UXS1: variants seen among roughly 807,000 people sequenced by gnomAD.
UXS1 encodes UDP-glucuronate decarboxylase 1, also known as UDP-glucuronic acid decarboxylase 1.
In UXS1, 33 loss-of-function variants were observed where a neutral mutation model predicts 62.6. That is an observed-to-expected ratio of 0.53 (90% CI 0.40 to 0.70). The LOEUF is 0.70. Ranked by LOEUF, UXS1 falls within the 30% of genes least tolerant of loss-of-function variation. UXS1 has a pLI of 0.00. For missense variants in UXS1, 434 were observed against 556.3 expected (o/e 0.78, Z 2.21); for synonymous variants, 213 against 206.8 (o/e 1.03, Z -0.26).
intron 1 of UXS1, 33 bp downstream of exon 1, chr2:106,194,115 G>C: frequency 4.9e-6 from 7 of 1,440,678 alleles, no homozygotes; most frequent in Non-Finnish European, 6.4e-6. Context: ...GGAATGAATG[G>C]GGCTCCCCAG....
Position 106,146,470 on chromosome 2 carries a change from C to T in UXS1, c.292-1100G>A, listed in dbSNP as rs112228183. On this transcript the variant is annotated intron_variant, in intron 5 of 14. Transcript: ENST00000283148. ...CTCACACACGATGAAGTATTCACCA[C>T]GGTGAGAGAGTAAAGCCACCTGGAT... Among the ~76,000 whole-genome samples the T allele has an allele frequency of 6.3e-3, 959 of 152,276 alleles. 5 individuals carry two copies. The highest frequency in any genetic ancestry group is 0.013 in the Admixed American group (192 of 15,292).
chr2:106,193,428 A>G (rs74636295), intron 1 of UXS1, among the ~76,000 whole-genome samples: 6,577 of 152,058 alleles, frequency 0.043, 170 homozygotes, highest in South Asian at 0.066. Context: ...CTGCCTGCGA[A>G]GTGCCCCTCC....
chr2:106,170,131 C>T (rs1051355582), intron 1 of UXS1, among the ~76,000 whole-genome samples: 3 of 152,148 alleles, frequency 2.0e-5, no homozygotes, highest in Non-Finnish European at 2.9e-5. Flanking sequence ...CTCCACGCTT[C>T]GCCACTCAGA....
At chr2:106,188,759 C>A (rs1278589530) in intron 1 of UXS1, among the ~76,000 whole-genome samples, 1 of 152,208 alleles carries the variant, frequency 6.6e-6, no homozygotes, top group Non-Finnish European at 1.5e-5. Context: ...CCTACAGAGT[C>A]CCCCACTCTT....
intron 1 of UXS1, among the ~76,000 whole-genome samples, chr2:106,182,358 G>A (rs920448635): frequency 2.0e-5 from 3 of 152,202 alleles, no homozygotes; most frequent in Non-Finnish European, 4.4e-5. Flanking sequence ...AAAGCTAGGC[G>A]CTATTTCTGG....
intron 1 of UXS1, among the ~76,000 whole-genome samples, chr2:106,168,760 G>A (rs1342241514): frequency 1.3e-5 from 2 of 152,164 alleles, no homozygotes; most frequent in African/African-American, 4.8e-5. Flanking sequence ...TTGTCATACA[G>A]CCATTTGATG....
intron 9 of UXS1, among the ~76,000 whole-genome samples, chr2:106,117,609 G>A (rs17213078): frequency 0.18 from 27,505 of 152,222 alleles, 2,810 homozygotes; most frequent in Non-Finnish European, 0.23. Context: ...AGTGGGAGCA[G>A]GTCCTGAAGG....
chr2:106,144,839 C>G (rs553890483), intron 6 of UXS1, among the ~76,000 whole-genome samples: 1 of 152,270 alleles, frequency 6.6e-6, no homozygotes, highest in African/African-American at 2.4e-5. Flanking sequence ...TCCAAAGGCC[C>G]CACCTCCTAA....
At chr2:106,096,604 G>T in intron 14 of UXS1, 114 bp downstream of exon 14, 1 of 854,054 alleles carries the variant, frequency 1.2e-6, no homozygotes, top group Non-Finnish European at 1.7e-6. Context: ...CCTGGATGCC[G>T]AGCCCACCTT....
intron 1 of UXS1, among the ~76,000 whole-genome samples, chr2:106,186,067 T>C: frequency 6.6e-6 from 1 of 152,152 alleles, no homozygotes; most frequent in East Asian, 1.9e-4. Context: ...ACACCACCAG[T>C]TAATAACTAT....
At chr2:106,186,234 T>C (rs1370832195) in intron 1 of UXS1, among the ~76,000 whole-genome samples, 1 of 152,074 alleles carries the variant, frequency 6.6e-6, no homozygotes, top group African/African-American at 2.4e-5. Flanking sequence ...ACTGCAAAAA[T>C]GTACCTTCAA....
At chr2:106,192,013 C>G (rs1345164742) in intron 1 of UXS1, among the ~76,000 whole-genome samples, 4 of 152,218 alleles carry the variant, frequency 2.6e-5, no homozygotes, top group Non-Finnish European at 5.9e-5. Flanking sequence ...TCTCAGGCCA[C>G]ATCCCAGACC....
intron 9 of UXS1, among the ~76,000 whole-genome samples, chr2:106,116,344 A>C (rs1023806151): frequency 6.6e-6 from 1 of 152,216 alleles, no homozygotes; most frequent in African/African-American, 2.4e-5. Flanking sequence ...AACCAGATTA[A>C]GGGCATAACC....
chr2:106,106,490 T>C (rs1238782265), intron 10 of UXS1, among the ~76,000 whole-genome samples: 1 of 152,116 alleles, frequency 6.6e-6, no homozygotes, highest in Non-Finnish European at 1.5e-5. Flanking sequence ...CACAGGTGTA[T>C]CAGTTCTATC....
intron 10 of UXS1, among the ~76,000 whole-genome samples, chr2:106,109,262 T>C (rs191077001): frequency 5.9e-5 from 9 of 152,280 alleles, no homozygotes; most frequent in African/African-American, 9.6e-5. Flanking sequence ...TTTAGTACCA[T>C]TGAATAACTG....
At chr2:106,185,328 G>C (rs1183907932) in intron 1 of UXS1, among the ~76,000 whole-genome samples, 1 of 152,132 alleles carries the variant, frequency 6.6e-6, no homozygotes, top group Admixed American at 6.5e-5. Context: ...GAAAATTGTT[G>C]AAAATAAAGA....
intron 6 of UXS1, among the ~76,000 whole-genome samples, chr2:106,130,817 C>G (rs933549991): frequency 6.6e-6 from 1 of 152,142 alleles, no homozygotes; most frequent in African/African-American, 2.4e-5. Context: ...TCCCCAACAC[C>G]CTGAAGCAGG....
chr2:106,171,242 T>C (rs1448627380), intron 1 of UXS1, among the ~76,000 whole-genome samples: 1 of 152,216 alleles, frequency 6.6e-6, no homozygotes, highest in Non-Finnish European at 1.5e-5. Flanking sequence ...TTAAAGGATA[T>C]GATTAAAATG....
intron 9 of UXS1, 70 bp downstream of exon 9, chr2:106,122,894 TCCTTTA>T: frequency 6.4e-7 from 1 of 1,553,558 alleles, no homozygotes. Context: ...TGGCATTCAT[TCCTTTA>T]CAACACTTTA....
Sources: gnomAD v4.1 joint callset for allele counts (sites outside exome capture counted in the v4.1 genomes callset) on GRCh38, gnomAD v4.1.1 for gene constraint, MANE v1.5 for transcripts, NCBI Gene and HGNC (gene_info 2026-07-23, HGNC 2026-07-21) for gene names.